SYT12: variants seen among roughly 807,000 people sequenced by gnomAD.
The protein encoded by SYT12 is synaptotagmin-12.
Under a neutral mutation model 39.5 loss-of-function variants are expected in SYT12, and 27 were observed. The ratio of observed to expected loss-of-function variants is 0.68; its 90% CI spans 0.50 to 0.94. SYT12 has a LOEUF of 0.94. Among genes scored for constraint, SYT12 ranks in the 40% least tolerant of loss-of-function variants. SYT12 has a pLI of 0.00. For synonymous variants in SYT12, 233 were observed against 239.7 expected (o/e 0.97, Z 0.26); for missense variants, 536 against 572.6 (o/e 0.94, Z 0.65).
At chr11:67,010,320 C>T (rs1375022272) in intron 2 of SYT12, among the ~76,000 whole-genome samples, 2 of 152,176 alleles carry the variant, frequency 1.3e-5, no homozygotes, top group East Asian at 1.9e-4. Flanking sequence ...CATGGTGAGC[C>T]GGGTGGTGAC....
chr11:67,048,484 G>T, intron 7 of SYT12, 100 bp from the exon 8 acceptor site: 1 of 1,315,986 alleles, frequency 7.6e-7, no homozygotes, highest in Admixed American at 2.0e-5. Flanking sequence ...GCTGTGCCTG[G>T]CACCCCACTG....
At chr11:67,045,932 G>A in intron 7 of SYT12, 55 bp downstream of exon 7, 3 of 1,602,504 alleles carry the variant, frequency 1.9e-6, no homozygotes, top group South Asian at 1.1e-5. Context: ...CTCTGGGGCT[G>A]CCGCATCTCT....
chr11:67,039,390 A>T (rs560539753), intron 3 of SYT12, among the ~76,000 whole-genome samples: 4 of 152,076 alleles, frequency 2.6e-5, no homozygotes, highest in Non-Finnish European at 5.9e-5. Context: ...GTAGGTGGGC[A>T]GATCACCTGA....
intron 4 of SYT12, among the ~76,000 whole-genome samples, chr11:67,043,043 C>A (rs953609937): frequency 3.3e-5 from 5 of 152,154 alleles, no homozygotes; most frequent in African/African-American, 4.8e-5. Context: ...AAAGCATCCC[C>A]CTTATTCCCC....
Position 67,045,767 on chromosome 11 carries a change from C to G in SYT12, c.982C>G (p.Leu328Val). The part of the protein sequence containing the change: ...TADPFVKVYL[L>V]QDGRKMSKKK... ...AGACCCCTTCGTCAAGGTGTACCTG[C>G]TGCAGGATGGGAGGAAGATGAGCAA... The change falls in exon 7 of 8, where the codon CTG becomes GTG. Residue 328 changes from leucine to valine, a missense_variant. By Grantham distance (32) the Leu-to-Val change is conservative. Transcript: ENST00000527043. The G allele has an allele frequency of 6.2e-7, 1 of 1,613,964 alleles. No individual in the cohort carries two copies. Among genetic ancestry groups the G allele is most frequent in the Non-Finnish European group, 8.5e-7 (1 of 1,179,942 alleles).
intron 1 of SYT12, among the ~76,000 whole-genome samples, chr11:67,009,162 C>T (rs866517591): frequency 9.9e-5 from 15 of 152,112 alleles, no homozygotes; most frequent in Admixed American, 7.2e-4. Context: ...TGTGCTACCA[C>T]GCCTAGCTAA....
At chr11:67,008,410 G>C (rs1323958453) in intron 1 of SYT12, among the ~76,000 whole-genome samples, 1 of 151,852 alleles carries the variant, frequency 6.6e-6, no homozygotes, top group East Asian at 1.9e-4. Context: ...TTTTTTTAGA[G>C]ACAAGTTCTT....
At chr11:67,016,241 G>A (rs1013303004) in intron 3 of SYT12, among the ~76,000 whole-genome samples, 5 of 152,036 alleles carry the variant, frequency 3.3e-5, no homozygotes, top group South Asian at 2.1e-4. Flanking sequence ...AGATCGCACC[G>A]CTGCACTCCA....
intron 4 of SYT12, among the ~76,000 whole-genome samples, chr11:67,041,898 G>A (rs1293243966): frequency 6.6e-6 from 1 of 152,206 alleles, no homozygotes; most frequent in Non-Finnish European, 1.5e-5. Flanking sequence ...TAAAGCGTGA[G>A]GGGCAGGGAA....
At chr11:67,021,705 C>T (rs2136199470), upstream of SYT12, among the ~76,000 whole-genome samples, 1 of 152,266 alleles carries the variant, frequency 6.6e-6, no homozygotes, top group South Asian at 2.1e-4. Flanking sequence ...ATTCCCCAGG[C>T]CTGGGTGTCC....
In SYT12 at chr11:67,030,368, G is replaced by T. The variant is rs1276898201; in HGVS notation, c.34+190G>T. On this transcript the variant is annotated intron_variant, in intron 2 of 7. Transcript: ENST00000527043. Reference sequence around the variant, plus strand: ...GACATCAAGCTTGGCCCAGTCTGAGGTCTCCTCATCTTGCCACTCAAGTGG... The same window carrying T: ...GACATCAAGCTTGGCCCAGTCTGAGTTCTCCTCATCTTGCCACTCAAGTGG... The T allele has an allele frequency of 5.2e-5, 30 of 577,452 alleles. No individual in the cohort carries two copies. The South Asian group carries it at 6.1e-4, about 12-fold the overall frequency. 35.8% of individuals were successfully genotyped at this position (577,452 alleles called of 1,614,324 possible).
chr11:67,029,772 G>C (rs1950232384), intron 1 of SYT12: 1 of 177,902 alleles, frequency 5.6e-6, no homozygotes, highest in Non-Finnish European at 1.2e-5. Context: ...GAGATCACTT[G>C]AACCCAGGGG....
intron 1 of SYT12, among the ~76,000 whole-genome samples, chr11:67,008,592 C>A (rs897098662): frequency 6.6e-6 from 1 of 152,064 alleles, no homozygotes; most frequent in Non-Finnish European, 1.5e-5. Flanking sequence ...ACCCTGTTGC[C>A]CAGGCTAGAG....
At chr11:67,014,838 C>T (rs557965578) in intron 3 of SYT12, among the ~76,000 whole-genome samples, 2 of 152,206 alleles carry the variant, frequency 1.3e-5, no homozygotes, top group Middle Eastern at 6.8e-3. Context: ...CAGGGATCCT[C>T]GTGGCCTCCT....
chr11:67,007,823 C>T (rs1036070202), intron 1 of SYT12, among the ~76,000 whole-genome samples: 4 of 151,988 alleles, frequency 2.6e-5, no homozygotes, highest in Non-Finnish European at 5.9e-5. Context: ...CTTGGCCTCC[C>T]GAAGTGCTGG....
chr11:67,040,509 T>C (rs1050247661), intron 4 of SYT12, among the ~76,000 whole-genome samples: 15 of 152,116 alleles, frequency 9.9e-5, no homozygotes, highest in African/African-American at 3.1e-4. Context: ...AGAAAAGGGA[T>C]GACATGCTTA....
chr11:67,010,479 C>A (rs1163596416), intron 2 of SYT12, among the ~76,000 whole-genome samples: 2 of 152,206 alleles, frequency 1.3e-5, no homozygotes, highest in African/African-American at 4.8e-5. Context: ...CCCCAGTAAC[C>A]CTCGGGTCCC....
rs570974096 is a variant in SYT12 at position 67,047,528 on chromosome 11, A to G, written c.1093-1056A>G. 6.4e-3 allele frequency among the ~76,000 whole-genome samples: 957 copies of G among 149,514 alleles called. 9 individuals carry two copies. Among genetic ancestry groups the G allele is most frequent in the Non-Finnish European group, 7.6e-3 (511 of 67,406 alleles). Reference sequence around the variant, plus strand: ...GGTGATCTGCCTGCCTCGGCCTCCCAAAGTGCTAGGATTACAGATGTGAGC... The same window carrying G: ...GGTGATCTGCCTGCCTCGGCCTCCCGAAGTGCTAGGATTACAGATGTGAGC... On this transcript the variant is annotated intron_variant, in intron 7 of 7. Coordinates refer to ENST00000527043, the MANE Select transcript of SYT12 (RefSeq NM_177963.4).
chr11:67,011,718 G>A (rs936941875), intron 3 of SYT12, among the ~76,000 whole-genome samples: 1 of 152,082 alleles, frequency 6.6e-6, no homozygotes, highest in African/African-American at 2.4e-5. Context: ...CCTGGCTGAT[G>A]CCTGATCATC....
Sources: allele counts gnomAD v4.1 joint callset (sites outside exome capture counted in the v4.1 genomes callset), GRCh38; gene constraint gnomAD v4.1.1; transcripts MANE v1.5; gene names NCBI Gene and HGNC (gene_info 2026-07-23, HGNC 2026-07-21).